Variants in ABCA3 observed in about 807,000 individuals in gnomAD.
ABCA3 encodes phospholipid-transporting ATPase ABCA3.
ABCA3 carries 88 observed loss-of-function variants against 172.8 expected under a neutral mutation model. The observed-to-expected ratio is 0.51, with a 90% CI of 0.43 to 0.61. The LOEUF (loss-of-function observed/expected upper bound fraction) is 0.61, where lower values mean the gene tolerates loss of function less well. ABCA3 is among the 20% of genes least tolerant of loss of function. The pLI is 0.00. For synonymous variants in ABCA3, 1,066 were observed against 983.8 expected (o/e 1.08, Z -1.56); for missense variants, 2,164 against 2,301.0 (o/e 0.94, Z 1.22).
At chr16:2,319,030 T>C (rs1385174613) in intron 8 of ABCA3, among the ~76,000 whole-genome samples, 2 of 152,044 alleles carry the variant, frequency 1.3e-5, no homozygotes, top group Non-Finnish European at 2.9e-5. Flanking sequence ...TGAAAGTTAT[T>C]TATGGCACCA....
At position 2,304,087 on chromosome 16, in the gene ABCA3, C is replaced by A; in HGVS notation, c.1349G>T (p.Gly450Val). The A allele has an allele frequency of 6.2e-7, 1 of 1,614,136 alleles. No individual in the cohort carries two copies. The highest frequency in any genetic ancestry group is 8.5e-7 in the Non-Finnish European group (1 of 1,180,032). ...CAGCAGCAGCATCCCCAGCACCTGC[C>A]CGAAGCAGAAGTCGTCGTCCACGTT... The part of the protein sequence containing the change: ...PVNVDDDFCF[G>V]QVLGMLLLDS... Residue 450 changes from glycine to valine, a missense_variant, in exon 12 of 33, where the codon GGG becomes GTG. Gly to Val is a moderately radical substitution (Grantham distance 109). Coordinates refer to ENST00000301732, the MANE Select transcript of ABCA3 (RefSeq NM_001089.3).
At chr16:2,335,554 G>A (rs1003937620) in intron 1 of ABCA3, among the ~76,000 whole-genome samples, 1 of 152,102 alleles carries the variant, frequency 6.6e-6, no homozygotes, top group Admixed American at 6.6e-5. Flanking sequence ...ACTGGCATGC[G>A]ATACCACACC....
chr16:2,306,333 A>G (rs1441136967), intron 11 of ABCA3, among the ~76,000 whole-genome samples: 1 of 152,208 alleles, frequency 6.6e-6, no homozygotes, highest in East Asian at 1.9e-4. Flanking sequence ...TCCAAAAAAA[A>G]ATTGTTAAAA....
chr16:2,324,275 G>T, intron 6 of ABCA3, 129 bp downstream of exon 6: 1 of 1,334,084 alleles, frequency 7.5e-7, no homozygotes, highest in Non-Finnish European at 1.0e-6. Flanking sequence ...AGGAGTGACT[G>T]CTATTGACTT....
In ABCA3 at chr16:2,281,585, GTGGA is replaced by G; in HGVS notation, c.4036-80_4036-77del. ...TTCCGTGGAGAAGGGAGGGGCGGGG[GTGGA>G]TGTGGGAGGTCTGGTGGGACTAAGG... is the stretch of plus-strand genomic sequence containing the variant. On this transcript the variant is annotated intron_variant, in intron 26 of 32. Transcript: ENST00000301732. The surrounding 1 kb of genome is among the most constrained non-coding windows in gnomAD (Gnocchi z 4.7). 2 of 1,204,482 alleles carry G rather than the reference GTGGA, an allele frequency of 1.7e-6. No homozygotes were observed. Among genetic ancestry groups the G allele is most frequent in the Non-Finnish European group, 2.4e-6 (2 of 838,082 alleles). The allele number at this position is 1,204,482 out of a possible 1,614,324, so 74.6% of individuals were successfully genotyped here.
intron 6 of ABCA3, 112 bp from the exon 7 acceptor site, chr16:2,323,800 TCCCCCG>T: frequency 9.0e-7 from 1 of 1,111,498 alleles, no homozygotes. Flanking sequence ...AACTCACCAC[TCCCCCG>T]CCTCTGAGTA....
intron 12 of ABCA3, among the ~76,000 whole-genome samples, chr16:2,303,597 G>C (rs1479888600): frequency 6.6e-6 from 1 of 152,072 alleles, no homozygotes; most frequent in Non-Finnish European, 1.5e-5. Flanking sequence ...TAAGAAGCTA[G>C]ATTTTGTAGG....
Position 2,317,809 on chromosome 16 carries a change from G to A in ABCA3, c.874-45C>T, listed in dbSNP as rs373120912. The A allele has an allele frequency of 2.7e-5, 43 of 1,566,582 alleles. No individual in the cohort carries two copies. In the African/African-American group the frequency reaches 3.6e-4, roughly 13 times the overall value. On this transcript the variant is annotated intron_variant, in intron 8 of 32. Coordinates refer to ENST00000301732, the MANE Select transcript of ABCA3 (RefSeq NM_001089.3). ...CGCTGCTGGGGGCCCGTCACTGCCC[G>A]CCATGATGGCATGTGCCAGGCTGGA...
chr16:2,280,365 G>A (rs1042315184), intron 28 of ABCA3, among the ~76,000 whole-genome samples: 15 of 152,210 alleles, frequency 9.9e-5, no homozygotes, highest in Admixed American at 9.8e-4. Context: ...CATCTCCTCT[G>A]TTTGTTTGCT....
chr16:2,307,319 G>A (rs1344995032), intron 11 of ABCA3, among the ~76,000 whole-genome samples: 1 of 151,968 alleles, frequency 6.6e-6, no homozygotes, highest in Non-Finnish European at 1.5e-5. Flanking sequence ...ACTTTCGGAG[G>A]CCGAGGGCAG....
At chr16:2,338,544 G>C (rs2093755419) in intron 1 of ABCA3, among the ~76,000 whole-genome samples, 1 of 151,982 alleles carries the variant, frequency 6.6e-6, no homozygotes, top group Non-Finnish European at 1.5e-5. Context: ...TGGCTTCCCA[G>C]GTGATTGTAA....
At chr16:2,311,208 G>A (rs562477728) in intron 10 of ABCA3, among the ~76,000 whole-genome samples, 4 of 152,134 alleles carry the variant, frequency 2.6e-5, no homozygotes, top group African/African-American at 4.8e-5. Context: ...TCTTGACCTC[G>A]TGATCCGCCT....
At chr16:2,321,769 C>T (rs1280761736) in intron 7 of ABCA3, among the ~76,000 whole-genome samples, 1 of 152,208 alleles carries the variant, frequency 6.6e-6, no homozygotes, top group African/African-American at 2.4e-5. Flanking sequence ...ATGAACACCA[C>T]ACTGATTCCG....
At chr16:2,319,863 G>A (rs1429721195) in intron 7 of ABCA3, 23 bp from the exon 8 acceptor site, 5 of 1,612,738 alleles carry the variant, frequency 3.1e-6, no homozygotes, top group Non-Finnish European at 3.4e-6. Context: ...GCAGAGGATG[G>A]CCCAGCCACC....
chr16:2,297,545 G>C lies in ABCA3; in HGVS notation c.2053-6C>G, dbSNP rs1310159284. ...GGCTCGTCCAGTATCAGCACCTGGAGGGAGAGACACAGTCTCGCGACGCTG... is the reference window on the plus strand; with the variant it reads ...GGCTCGTCCAGTATCAGCACCTGGACGGAGAGACACAGTCTCGCGACGCTG... On this transcript the variant is annotated splice_region_variant and splice_polypyrimidine_tract_variant and intron_variant, in intron 16 of 32. Coordinates refer to ENST00000301732, the MANE Select transcript of ABCA3 (RefSeq NM_001089.3). The surrounding 1 kb of genome is among the most constrained non-coding windows in gnomAD (Gnocchi z 5.6). 1.2e-6 allele frequency: 2 copies of C among 1,611,848 alleles called. No individual in the cohort carries two copies. Among genetic ancestry groups the C allele is most frequent in the African/African-American group, 2.7e-5 (2 of 74,902 alleles).
intron 12 of ABCA3, 96 bp downstream of exon 12, chr16:2,303,873 T>C: frequency 1.4e-6 from 2 of 1,404,556 alleles, no homozygotes; most frequent in South Asian, 2.4e-5. Context: ...ACGCAGGTGC[T>C]GCATGCTGGG....
At chr16:2,332,722 C>A in intron 1 of ABCA3, 1 of 1,286,726 alleles carries the variant, frequency 7.8e-7, no homozygotes. Flanking sequence ...TCCAAAGACC[C>A]GCACCGATTG....
intron 3 of ABCA3, among the ~76,000 whole-genome samples, chr16:2,328,124 GA>G (rs5815118): frequency 6.6e-6 from 1 of 152,052 alleles, no homozygotes; most frequent in African/African-American, 2.4e-5. Flanking sequence ...ATATAATGGG[GA>G]AAAAAATCTG....
Position 2,326,158 on chromosome 16 carries a change from G to A in ABCA3, c.171C>T (p.Tyr57=). The A allele has an allele frequency of 6.2e-7, 1 of 1,614,190 alleles. No homozygotes were observed. The highest frequency in any genetic ancestry group is 8.5e-7 in the Non-Finnish European group (1 of 1,180,048). Residue 57 remains tyrosine (Y), a synonymous_variant, in exon 5 of 33, where the codon TAC becomes TAT. Transcript: ENST00000301732. The part of the protein sequence containing the change: ...QSENVPNATI[Y]PGQSIQELPL... The stretch of plus-strand genomic sequence containing the variant: ...GCAGCTCCTGGATGGACTGGCCCGG[G>A]TAGATGGTGGCGTTGGGCACATTTT...
Sources: allele counts gnomAD v4.1 joint callset (sites outside exome capture counted in the v4.1 genomes callset), GRCh38; gene constraint gnomAD v4.1.1; non-coding constraint Gnocchi (gnomAD v3.1); transcripts MANE v1.5; gene names NCBI Gene and HGNC (gene_info 2026-07-23, HGNC 2026-07-21).